PACRG: variants seen among roughly 807,000 people sequenced by gnomAD.
PACRG encodes the protein parkin coregulated gene protein.
PACRG carries 29 observed loss-of-function variants against 29.7 expected under a neutral mutation model. That is an observed-to-expected ratio of 0.98 (90% CI 0.73 to 1.33). The LOEUF (loss-of-function observed/expected upper bound fraction) is 1.33. Among genes scored for constraint, PACRG ranks in the 40% most tolerant of loss-of-function variants. The pLI, the probability that PACRG is intolerant of heterozygous loss-of-function variation, is 0.00. For synonymous variants in PACRG, 116 were observed against 118.7 expected, an observed-to-expected ratio of 0.98 and a Z score of 0.15; for missense variants, 279 against 316.2, an observed-to-expected ratio of 0.88 and a Z score of 0.89.
chr6:163,204,188 G>T (rs1157705338), intron 4 of PACRG, among the ~76,000 whole-genome samples: 1 of 152,180 alleles, frequency 6.6e-6, no homozygotes, highest in African/African-American at 2.4e-5. Flanking sequence ...AATAGTGTTT[G>T]CAGATCTTTA....
chr6:162,727,990 G>A lies in PACRG; in HGVS notation c.-246G>A, dbSNP rs1427914013. Reference sequence around the variant, plus strand: ...TGACCAGTCGCTTAGCAACCGGGAGGCTTACCTTTGGAAGCTTGTTGCAGC... The same window carrying A: ...TGACCAGTCGCTTAGCAACCGGGAGACTTACCTTTGGAAGCTTGTTGCAGC... On this transcript the variant is annotated 5_prime_UTR_variant, in exon 1 of 5. Coordinates refer to ENST00000366888, the MANE Select transcript of PACRG (RefSeq NM_001080379.2). 8.1e-6 allele frequency: 5 copies of A among 615,282 alleles called. No individual in the cohort carries two copies. The East Asian group carries it at 1.1e-4, about 13-fold the overall frequency. 38.1% of individuals were successfully genotyped at this position (615,282 alleles called of 1,614,324 possible). A position where few individuals can be genotyped will look rare whatever the true frequency, so the allele number is the denominator to read the frequency against.
chr6:163,042,155 C>T (rs746562280), intron 2 of PACRG, among the ~76,000 whole-genome samples: 30 of 152,260 alleles, frequency 2.0e-4, no homozygotes, highest in Non-Finnish European at 3.1e-4. Context: ...TTGAGCCATG[C>T]GCCTGGCCAC....
intron 2 of PACRG, among the ~76,000 whole-genome samples, chr6:162,995,059 CA>C: frequency 6.6e-6 from 1 of 151,436 alleles, no homozygotes; most frequent in South Asian, 2.1e-4. Context: ...GCTCAGGGGT[CA>C]GGGGTCAGGG....
intron 4 of PACRG, among the ~76,000 whole-genome samples, chr6:163,118,244 C>T (rs923713498): frequency 5.3e-5 from 8 of 152,168 alleles, no homozygotes; most frequent in African/African-American, 1.7e-4. Flanking sequence ...ATTCAATTTT[C>T]GGATGAACGG....
intron 4 of PACRG, chr6:163,170,756 A>G (rs372440110): frequency 6.6e-6 from 1 of 151,860 alleles, no homozygotes; most frequent in Non-Finnish European, 1.5e-5. Context: ...TCCAAAACCA[A>G]CTCTCAGCCG....
intron 1 of PACRG, among the ~76,000 whole-genome samples, chr6:162,733,709 C>T (rs745713578): frequency 1.3e-5 from 2 of 152,268 alleles, no homozygotes; most frequent in Non-Finnish European, 2.9e-5. Flanking sequence ...TCAGTTAGTG[C>T]CACGCCTTTG....
chr6:163,024,604 G>C (rs1426652113), intron 2 of PACRG, among the ~76,000 whole-genome samples: 2 of 152,072 alleles, frequency 1.3e-5, no homozygotes, highest in Non-Finnish European at 2.9e-5. Context: ...TTCTGATTCT[G>C]TGAAGAATGA....
intron 3 of PACRG, among the ~76,000 whole-genome samples, chr6:163,066,894 TAA>T (rs1811593799): frequency 6.6e-6 from 1 of 152,192 alleles, no homozygotes; most frequent in Admixed American, 6.5e-5. Flanking sequence ...TTCAAGTGTA[TAA>T]AGAGGATCAA....
chr6:163,129,741 AACCTCACACTCAGTTTCCTTCCT>A (rs1816659244), intron 4 of PACRG, among the ~76,000 whole-genome samples: 1 of 150,482 alleles, frequency 6.6e-6, no homozygotes, highest in Admixed American at 6.6e-5. Context: ...CAAGGTATCC[AACCTCACACTCAGTTTCCTTCCT>A]ACCTCACACT....
intron 2 of PACRG, among the ~76,000 whole-genome samples, chr6:162,880,131 A>G (rs1301629746): frequency 1.3e-5 from 2 of 152,244 alleles, no homozygotes; most frequent in Non-Finnish European, 2.9e-5. Context: ...GCAGGCCTGT[A>G]CTGGAAAGAG....
At chr6:163,312,864 C>T (rs942476307) in intron 4 of PACRG, 3 of 391,854 alleles carry the variant, frequency 7.7e-6, no homozygotes, top group East Asian at 1.9e-4. Context: ...GTGATCCTCC[C>T]ACCTCAGCCT....
At chr6:163,260,545 G>A (rs1015633745) in intron 4 of PACRG, among the ~76,000 whole-genome samples, 2 of 152,096 alleles carry the variant, frequency 1.3e-5, no homozygotes, top group Admixed American at 1.3e-4. Flanking sequence ...CTGAAGCTTC[G>A]GGAGTTGCCA....
intron 1 of PACRG, among the ~76,000 whole-genome samples, chr6:162,768,656 C>G (rs1368993976): frequency 6.6e-6 from 1 of 152,050 alleles, no homozygotes; most frequent in Non-Finnish European, 1.5e-5. Context: ...TATGGATTCT[C>G]TCTTCAGCCA....
intron 2 of PACRG, among the ~76,000 whole-genome samples, chr6:162,969,520 C>G (rs1801350610): frequency 3.3e-5 from 5 of 152,074 alleles, no homozygotes; most frequent in Admixed American, 3.3e-4. Context: ...CAAAAGTGAC[C>G]TTCAAATGTC....
intron 1 of PACRG, among the ~76,000 whole-genome samples, chr6:162,771,255 A>G (rs1480431495): frequency 6.6e-6 from 1 of 152,178 alleles, no homozygotes; most frequent in Admixed American, 6.6e-5. Flanking sequence ...AGTAAAGACT[A>G]TTTGAATTAT....
chr6:163,111,004 A>G (rs1467325796), intron 4 of PACRG, among the ~76,000 whole-genome samples: 1 of 152,238 alleles, frequency 6.6e-6, no homozygotes, highest in East Asian at 1.9e-4. Flanking sequence ...CCTGCTGGAC[A>G]TTCTGTGATG....
chr6:162,950,439 C>A (rs1326873814), intron 2 of PACRG, among the ~76,000 whole-genome samples: 1 of 152,068 alleles, frequency 6.6e-6, no homozygotes, highest in Non-Finnish European at 1.5e-5. Context: ...ACCCGGGAGG[C>A]GGAGCTTGCA....
intron 2 of PACRG, among the ~76,000 whole-genome samples, chr6:162,822,836 T>G (rs1455689268): frequency 6.6e-6 from 1 of 152,178 alleles, no homozygotes; most frequent in Admixed American, 6.5e-5. Context: ...CATCTTTGTA[T>G]TCTATTAATG....
At chr6:163,188,645 C>G (rs1265794151) in intron 4 of PACRG, among the ~76,000 whole-genome samples, 1 of 152,168 alleles carries the variant, frequency 6.6e-6, no homozygotes, top group Non-Finnish European at 1.5e-5. Flanking sequence ...CGTGGCCTGA[C>G]CGTTTTATTT....
Sources: gnomAD v4.1 joint callset for allele counts (sites outside exome capture counted in the v4.1 genomes callset) on GRCh38, gnomAD v4.1.1 for gene constraint, MANE v1.5 for transcripts, NCBI Gene and HGNC (gene_info 2026-07-23, HGNC 2026-07-21) for gene names.